The following SYTL5 variants were observed in gnomAD, a reference collection of about 807,000 sequenced individuals.
SYTL5 encodes synaptotagmin-like protein 5.
A neutral mutation model predicts 55.9 loss-of-function variants in SYTL5; 34 were observed. The observed-to-expected ratio is 0.61, with a 90% confidence interval of 0.46 to 0.81. The LOEUF is 0.81. Ranked by LOEUF, SYTL5 falls within the 30% of genes least tolerant of loss-of-function variation. SYTL5 has a pLI of 0.00. For missense variants in SYTL5, 637 were observed against 546.7 expected, an observed-to-expected ratio of 1.17 and a Z score of -1.65; for synonymous variants, 221 against 188.7, an observed-to-expected ratio of 1.17 and a Z score of -1.40.
the SYTL5 span, among the ~76,000 whole-genome samples, chrX:37,959,825 C>G: frequency 8.9e-6 from 1 of 111,922 alleles, no homozygotes; most frequent in African/African-American, 3.3e-5. Flanking sequence ...TAGCGGCTCT[C>G]TGCTGTGGCT....
At chrX:37,990,149 G>A in the SYTL5 span, among the ~76,000 whole-genome samples, 2 of 111,185 alleles carry the variant, frequency 1.8e-5, no homozygotes, top group East Asian at 2.8e-4. Flanking sequence ...TGGGATTACA[G>A]GAGTGAGCCA....
intron 10 of SYTL5, among the ~76,000 whole-genome samples, 193 bp downstream of exon 10, chrX:38,102,627 T>C (rs1276806041): frequency 8.9e-6 from 1 of 111,843 alleles, no homozygotes; most frequent in Non-Finnish European, 1.9e-5. Context: ...CTCAGGCTCC[T>C]GATTTCTTCC....
the SYTL5 span, among the ~76,000 whole-genome samples, chrX:37,944,765 G>C: frequency 8.9e-6 from 1 of 112,383 alleles, no homozygotes; most frequent in Non-Finnish European, 1.9e-5. Context: ...TATCCTTAAG[G>C]AGACTGAGTC....
chrX:38,030,268 A>G (rs1283078398), intron 1 of SYTL5, among the ~76,000 whole-genome samples: 1 of 111,766 alleles, frequency 8.9e-6, no homozygotes, highest in Non-Finnish European at 1.9e-5. Flanking sequence ...CTGACCCCCC[A>G]AAAGTGAAAA....
the SYTL5 span, among the ~76,000 whole-genome samples, chrX:37,900,672 T>C: frequency 0.086 from 9,675 of 111,890 alleles, 1,063 homozygotes; most frequent in African/African-American, 0.3. Flanking sequence ...TTAAGGCAGA[T>C]GGTGTATAAC....
intron 1 of SYTL5, among the ~76,000 whole-genome samples, chrX:38,025,431 G>C (rs758945162): frequency 9.0e-6 from 1 of 111,644 alleles, no homozygotes; most frequent in Non-Finnish European, 1.9e-5. Context: ...ATGTCCCTTT[G>C]TGATGCTATG....
intron 1 of SYTL5, among the ~76,000 whole-genome samples, chrX:38,013,492 C>G (rs1160852638): frequency 9.0e-6 from 1 of 111,531 alleles, no homozygotes; most frequent in Non-Finnish European, 1.9e-5. Flanking sequence ...AAGGCTCACA[C>G]TTTCTGAGGA....
At chrX:38,079,615 G>C (rs1936476753) in intron 6 of SYTL5, among the ~76,000 whole-genome samples, 1 of 112,166 alleles carries the variant, frequency 8.9e-6, no homozygotes, top group Admixed American at 9.4e-5. Flanking sequence ...CAGACCCCTA[G>C]ACAAGGATTT....
At position 38,074,250 on chromosome X, in the gene SYTL5, G is replaced by A. The variant is rs778548016; in HGVS notation, c.554+552G>A. 1.2e-4 allele frequency among the ~76,000 whole-genome samples: 13 copies of A among 111,871 alleles called. No homozygotes were observed. The South Asian group carries it at 4.5e-3, about 39-fold the overall frequency. The stretch of plus-strand genomic sequence containing the variant: ...ATAGGAATGGGAGGTACATAAGGGA[G>A]CAAGAAGTTTCTTTCAAGGGAGAAA... On this transcript the variant is annotated intron_variant, in intron 5 of 16. Coordinates refer to ENST00000297875, the MANE Select transcript of SYTL5 (RefSeq NM_138780.3).
the SYTL5 span, among the ~76,000 whole-genome samples, chrX:37,890,893 T>A: frequency 1.8e-5 from 2 of 111,771 alleles, no homozygotes; most frequent in African/African-American, 6.5e-5. Context: ...AAAAACAGGC[T>A]AGGTGTGGTG....
At chrX:37,962,039 T>G in the SYTL5 span, among the ~76,000 whole-genome samples, 1 of 111,520 alleles carries the variant, frequency 9.0e-6, no homozygotes, top group African/African-American at 3.3e-5. Context: ...ATAATTGAAA[T>G]GATTTGTCTC....
the SYTL5 span, among the ~76,000 whole-genome samples, chrX:37,951,468 C>T: frequency 9.0e-6 from 1 of 110,590 alleles, no homozygotes; most frequent in African/African-American, 3.3e-5. Flanking sequence ...CAGGTTCTGC[C>T]CTAGGGTGGC....
chrX:38,032,045 G>A, intron 1 of SYTL5, among the ~76,000 whole-genome samples: 1 of 112,244 alleles, frequency 8.9e-6, no homozygotes, highest in South Asian at 3.7e-4. Flanking sequence ...GTTTGTGGAA[G>A]TCGAGGAAGC....
At chrX:37,978,925 T>C in the SYTL5 span, among the ~76,000 whole-genome samples, 1 of 111,937 alleles carries the variant, frequency 8.9e-6, no homozygotes, top group African/African-American at 3.2e-5. Flanking sequence ...GATTGTGCAG[T>C]ACATTCTGTA....
intron 3 of SYTL5, among the ~76,000 whole-genome samples, chrX:38,065,177 A>G (rs1013302284): frequency 4.5e-5 from 5 of 111,870 alleles, no homozygotes; most frequent in Admixed American, 3.8e-4. Context: ...TGGCTGATAC[A>G]TAATTTTTGT....
At chrX:37,911,342 G>C in the SYTL5 span, among the ~76,000 whole-genome samples, 4 of 111,149 alleles carry the variant, frequency 3.6e-5, no homozygotes, top group Non-Finnish European at 7.5e-5. Context: ...GAGAAAGTGG[G>C]AGAAAATGCT....
chrX:38,027,015 C>T (rs1002052813), intron 1 of SYTL5, among the ~76,000 whole-genome samples: 1 of 111,666 alleles, frequency 9.0e-6, no homozygotes, highest in Non-Finnish European at 1.9e-5. Flanking sequence ...TCTTTTGTAA[C>T]TTCTTCATGC....
chrX:37,911,792 G>T, the SYTL5 span, among the ~76,000 whole-genome samples: 6 of 110,636 alleles, frequency 5.4e-5, no homozygotes, highest in African/African-American at 2.0e-4. Context: ...GCTATATATA[G>T]GTGATATATA....
At chrX:37,999,144 A>T in the SYTL5 span, among the ~76,000 whole-genome samples, 52 of 112,251 alleles carry the variant, frequency 4.6e-4, no homozygotes, top group East Asian at 0.015. Context: ...ACGAAGACAG[A>T]TTTCTATAAA....
Sources: gnomAD v4.1 joint callset for allele counts (sites outside exome capture counted in the v4.1 genomes callset) on GRCh38, gnomAD v4.1.1 for gene constraint, MANE v1.5 for transcripts, NCBI Gene and HGNC (gene_info 2026-07-23, HGNC 2026-07-21) for gene names.